The following TET1 variants were observed in gnomAD, a reference collection of about 807,000 sequenced individuals.
The protein encoded by TET1 is tet methylcytosine dioxygenase 1, also known as methylcytosine dioxygenase TET1.
TET1 carries 13 observed loss-of-function variants against 148.7 expected under a neutral mutation model. The observed-to-expected ratio is 0.09, with a 90% confidence interval of 0.06 to 0.14. The LOEUF (loss-of-function observed/expected upper bound fraction) is 0.14. Ranked by LOEUF, TET1 falls within the 10% of genes least tolerant of loss-of-function variation. The probability of loss-of-function intolerance (pLI) is 1.00; values close to 1 mark genes in which losing one functional copy is unlikely to be tolerated. For synonymous variants in TET1, 907 were observed against 937.2 expected, an observed-to-expected ratio of 0.97 and a Z score of 0.59; for missense variants, 2,182 against 2,553.8, an observed-to-expected ratio of 0.85 and a Z score of 3.14.
At chr10:68,611,921 G>A (rs1309795996) in intron 3 of TET1, among the ~76,000 whole-genome samples, 1 of 150,982 alleles carries the variant, frequency 6.6e-6, no homozygotes, top group Non-Finnish European at 1.5e-5. Flanking sequence ...AAGAAAGGAA[G>A]GGAGGGAGGA....
intron 4 of TET1, among the ~76,000 whole-genome samples, chr10:68,648,101 GCTGACTCAT>G (rs1463327632): frequency 2.0e-5 from 3 of 152,136 alleles, no homozygotes; most frequent in African/African-American, 7.2e-5. Flanking sequence ...TGTGCTAATA[GCTGACTCAT>G]GGACTGATCC....
chr10:68,627,077 G>A (rs10998342), intron 3 of TET1, among the ~76,000 whole-genome samples: 59,883 of 151,656 alleles, frequency 0.39, 11,970 homozygotes, highest in East Asian at 0.44. Flanking sequence ...TTCGAGACCA[G>A]CCTGGCCAAC....
At chr10:68,563,975 C>A (rs1489195660) in intron 1 of TET1, among the ~76,000 whole-genome samples, 1 of 152,164 alleles carries the variant, frequency 6.6e-6, no homozygotes, top group African/African-American at 2.4e-5. Flanking sequence ...AACCACCGCA[C>A]CAGCCAGTTC....
intron 8 of TET1, among the ~76,000 whole-genome samples, chr10:68,680,216 A>G (rs551772515): frequency 1.1e-4 from 16 of 152,376 alleles, no homozygotes; most frequent in African/African-American, 3.1e-4. Flanking sequence ...AATTTGATGC[A>G]TACCAAAGGT....
chr10:68,677,490 A>G (rs2055377406), intron 8 of TET1, among the ~76,000 whole-genome samples: 1 of 152,210 alleles, frequency 6.6e-6, no homozygotes, highest in South Asian at 2.1e-4. Flanking sequence ...ATTGTCACTT[A>G]CAAAAGTGTC....
chr10:68,584,096 G>A (rs374611851), intron 2 of TET1, among the ~76,000 whole-genome samples: 1 of 151,246 alleles, frequency 6.6e-6, no homozygotes, highest in East Asian at 2.0e-4. Context: ...CTAGAATGCG[G>A]TGGCGCGATC....
chr10:68,618,705 A>G (rs2054328901), intron 3 of TET1, among the ~76,000 whole-genome samples: 2 of 152,252 alleles, frequency 1.3e-5, no homozygotes, highest in Admixed American at 6.5e-5. Context: ...TAGCATAAGT[A>G]TAGTACAATC....
At chr10:68,614,944 CT>C (rs369939263) in intron 3 of TET1, among the ~76,000 whole-genome samples, 183 of 144,956 alleles carry the variant, frequency 1.3e-3, no homozygotes, top group South Asian at 6.4e-3. Flanking sequence ...ATTTTTATGG[CT>C]TTTTTTTTTT....
chr10:68,563,268 G>A (rs146888788), intron 1 of TET1, among the ~76,000 whole-genome samples: 22 of 152,324 alleles, frequency 1.4e-4, no homozygotes, highest in African/African-American at 5.3e-4. Flanking sequence ...ATGTGCCGAG[G>A]GCTCTCACAC....
intron 8 of TET1, chr10:68,674,453 GA>G (rs2055322774): frequency 2.6e-6 from 1 of 388,692 alleles, no homozygotes; most frequent in South Asian, 2.4e-5. Context: ...ATATTGGGAA[GA>G]CACTAGTCAC....
At chr10:68,588,006 G>C (rs770667751) in intron 2 of TET1, among the ~76,000 whole-genome samples, 2 of 152,058 alleles carry the variant, frequency 1.3e-5, no homozygotes, top group Non-Finnish European at 2.9e-5. Flanking sequence ...GGGAGTACAG[G>C]TGCGCACCAT....
At chr10:68,568,121 A>G (rs1263840930) in intron 1 of TET1, among the ~76,000 whole-genome samples, 1 of 148,672 alleles carries the variant, frequency 6.7e-6, no homozygotes, top group Non-Finnish European at 1.5e-5. Context: ...CAGGTGATCC[A>G]CCCACCTTGG....
intron 11 of TET1, among the ~76,000 whole-genome samples, chr10:68,688,506 C>G (rs2133241371): frequency 6.9e-6 from 1 of 144,022 alleles, no homozygotes; most frequent in South Asian, 2.2e-4. Context: ...GCAATCTCAG[C>G]TCACTGCAAG....
rs563623812 is a variant in TET1, at chr10:68,641,030, A to G, written c.1969-3668A>G. ...TACTACTACACTCATTAGTTTGCAT[A>G]TTATTTTTGAGGCTGCTTACTAGAT... On this transcript the variant is annotated intron_variant, in intron 3 of 11. Coordinates refer to ENST00000373644, the MANE Select transcript of TET1 (RefSeq NM_030625.3). Among the ~76,000 whole-genome samples, 4 of 150,620 alleles carry G rather than the reference A, an allele frequency of 2.7e-5. No individual in the cohort carries two copies. The Admixed American group carries it at 2.7e-4, about 10-fold the overall frequency.
chr10:68,694,375 T>C lies in TET1; in HGVS notation c.*2561T>C, dbSNP rs1231707558. ...TGCCCTGTGATTTTTTTTAAAAGCT[T>C]ATTCAATGTTCTGCAGCATTGTGAT... On this transcript the variant is annotated 3_prime_UTR_variant, in exon 12 of 12. Transcript: ENST00000373644. The C allele has an allele frequency of 4.3e-6, 1 of 232,504 alleles. No homozygotes were observed. The allele number at this position is 232,504 out of a possible 1,614,324, so 14.4% of individuals were successfully genotyped here. A position where few individuals can be genotyped will look rare whatever the true frequency, so the allele number is the denominator to read the frequency against.
At position 68,691,709 on chromosome 10, in the gene TET1, C is replaced by T; in HGVS notation, c.6306C>T (p.Asn2102=). 1 of 1,614,130 alleles carries T rather than the reference C, an allele frequency of 6.2e-7. No individual in the cohort carries two copies. The highest frequency in any genetic ancestry group is 8.5e-7 in the Non-Finnish European group (1 of 1,180,040). The change falls in exon 12 of 12, where the codon AAC becomes AAT. Residue 2102 remains asparagine (N), a synonymous_variant. Transcript: ENST00000373644. The surrounding 1 kb of genome is among the most constrained non-coding windows in gnomAD (Gnocchi z 4.4). The stretch of plus-strand genomic sequence containing the variant: ...AGTCCTCTGAAGTAAATGAATTGAA[C>T]CAAATTCCTTCTCATAAAGCATTAA... ...PEQSSEVNEL[N]QIPSHKALTL...
At chr10:68,664,500 C>T (rs1291011277) in intron 6 of TET1, among the ~76,000 whole-genome samples, 2 of 149,962 alleles carry the variant, frequency 1.3e-5, no homozygotes, top group Non-Finnish European at 3.0e-5. Flanking sequence ...CCTCGGCTCC[C>T]GCCTAAGCCT....
chr10:68,661,295 G>A (rs375804711), intron 6 of TET1, among the ~76,000 whole-genome samples: 8 of 142,776 alleles, frequency 5.6e-5, no homozygotes, highest in African/African-American at 2.1e-4. Flanking sequence ...TGATCCGCCC[G>A]CCTCGGCCTC....
rs1457468110 is a variant in TET1, at chr10:68,692,970, G to A, written c.*1156G>A. ...AAAAAAATTCTTGTTGAAATATTTT[G>A]AAAACAAATTCCCTACTATCATCAC... On this transcript the variant is annotated 3_prime_UTR_variant, in exon 12 of 12. Transcript: ENST00000373644. 3 of 230,030 alleles carry A rather than the reference G, an allele frequency of 1.3e-5. No individual in the cohort carries two copies. Among genetic ancestry groups the A allele is most frequent in the Non-Finnish European group, 2.6e-5 (3 of 116,738 alleles). 14.2% of individuals were successfully genotyped at this position (230,030 alleles called of 1,614,324 possible). A position where few individuals can be genotyped will look rare whatever the true frequency, so the allele number is the denominator to read the frequency against.
Sources: allele counts gnomAD v4.1 joint callset (sites outside exome capture counted in the v4.1 genomes callset), GRCh38; gene constraint gnomAD v4.1.1; non-coding constraint Gnocchi (gnomAD v3.1); transcripts MANE v1.5; gene names NCBI Gene and HGNC (gene_info 2026-07-23, HGNC 2026-07-21).